The following DNAAF9 variants were observed in gnomAD, a reference collection of about 807,000 sequenced individuals.
DNAAF9 encodes shulin.
A neutral mutation model predicts 167.0 loss-of-function variants in DNAAF9; 90 were observed. The ratio of observed to expected loss-of-function variants is 0.54; its 90% confidence interval spans 0.45 to 0.64. The LOEUF is 0.64. Ranked by LOEUF, DNAAF9 falls within the 30% of genes least tolerant of loss-of-function variation. The pLI is 0.00. For synonymous variants in DNAAF9, 491 were observed against 508.8 expected, an observed-to-expected ratio of 0.96 and a Z score of 0.47; for missense variants, 1,315 against 1,442.2, an observed-to-expected ratio of 0.91 and a Z score of 1.43.
At chr20:3,331,777 G>A (rs995710935) in intron 11 of DNAAF9, among the ~76,000 whole-genome samples, 8 of 152,134 alleles carry the variant, frequency 5.3e-5, no homozygotes, top group Admixed American at 6.5e-5. Flanking sequence ...AAGTTCAAGC[G>A]ATTATGGTGT....
In DNAAF9 at chr20:3,381,405, G is replaced by T. The variant is rs8124486; in HGVS notation, c.257C>A (p.Thr86Lys). ...YNQNTSDFEK[T>K]GFSEEVLDDV... ...ATCTAGTACTTCTTCAGAAAATCCC[G>T]TTTTCTCAAAATCACTGGTATTCTG... Residue 86 changes from threonine to lysine, a missense_variant, in exon 3 of 37, where the codon ACG becomes AAG. Physicochemically the swap from Thr to Lys is moderately conservative, Grantham distance 78. This residue lies in a region of DNAAF9 where 981 missense variants were observed against 1,012.5 expected (regional missense o/e 0.97). Coordinates refer to ENST00000252032, the MANE Select transcript of DNAAF9 (RefSeq NM_001009984.3). 1.1e-5 allele frequency: 18 copies of T among 1,610,936 alleles called. No individual in the cohort carries two copies. Among genetic ancestry groups the T allele is most frequent in the Non-Finnish European group, 1.4e-5 (17 of 1,177,562 alleles).
rs71195834 is a variant in DNAAF9, at chr20:3,319,082, C to CA, written c.1357-683dup. 9.0e-3 allele frequency among the ~76,000 whole-genome samples: 641 copies of CA among 71,042 alleles called. 9 individuals are homozygous for CA. Among genetic ancestry groups the CA allele is most frequent in the African/African-American group, 0.018 (287 of 16,076 alleles). The allele number at this position is 71,042 out of a possible 152,430, so 46.6% of individuals were successfully genotyped here. A position where few individuals can be genotyped will look rare whatever the true frequency, so the allele number is the denominator to read the frequency against. ...TGGGCAACAGAGCAAGACTCTGTCTCAAAAAAAAAAAAAAAAAAAAAAGAA... is the reference window on the plus strand; with the variant it reads ...TGGGCAACAGAGCAAGACTCTGTCTCAAAAAAAAAAAAAAAAAAAAAAAGAA... On this transcript the variant is annotated intron_variant, in intron 16 of 36. Coordinates refer to ENST00000252032, the MANE Select transcript of DNAAF9 (RefSeq NM_001009984.3).
chr20:3,285,537 G>T lies in DNAAF9; in HGVS notation c.2486+2095C>A, dbSNP rs187470076. Among the ~76,000 whole-genome samples, 5 of 152,232 alleles carry T rather than the reference G, an allele frequency of 3.3e-5. No homozygotes were observed. In the East Asian group the frequency reaches 9.6e-4, roughly 29 times the overall value. The stretch of plus-strand genomic sequence containing the variant: ...CTACTAAAAATACAAAAATTAGCCA[G>T]GCGTGGTGGTGAGCACCTGTAATCC... On this transcript the variant is annotated intron_variant, in intron 27 of 36. Transcript: ENST00000252032.
chr20:3,397,005 G>A (rs796564972), intron 1 of DNAAF9, among the ~76,000 whole-genome samples: 8 of 152,320 alleles, frequency 5.3e-5, no homozygotes, highest in African/African-American at 1.9e-4. Flanking sequence ...CCAGCACTGG[G>A]GGAGGTCAAG....
intron 20 of DNAAF9, among the ~76,000 whole-genome samples, chr20:3,311,602 C>A (rs1568597369): frequency 6.6e-6 from 1 of 152,046 alleles, no homozygotes; most frequent in Non-Finnish European, 1.5e-5. Flanking sequence ...ACTGCATGTT[C>A]ATACAAAGGA....
intron 20 of DNAAF9, among the ~76,000 whole-genome samples, chr20:3,308,595 C>T (rs554639288): frequency 2.6e-5 from 4 of 152,008 alleles, no homozygotes; most frequent in East Asian, 3.9e-4. Context: ...CTGCCCGCCT[C>T]GGCCTTCCAA....
Position 3,315,730 on chromosome 20 carries a change from C to T in DNAAF9, c.1590+5G>A, listed in dbSNP as rs1015940151. 6.2e-7 allele frequency: 1 copy of T among 1,609,540 alleles called. No homozygotes were observed. The highest frequency in any genetic ancestry group is 2.2e-5 in the East Asian group (1 of 44,866). On this transcript the variant is annotated splice_donor_5th_base_variant and intron_variant, in intron 19 of 36. Transcript: ENST00000252032. This position sits in a 1 kb window ranked among gnomAD's most constrained non-coding sequence, Gnocchi z 4.1. The stretch of plus-strand genomic sequence containing the variant: ...GTTCACACTGAGAATAAGAAGGCTG[C>T]TTACCCTCACTGCTTGCTGGGTTTT...
intron 2 of DNAAF9, 121 bp from the exon 3 acceptor site, chr20:3,381,619 T>C (rs2083655430): frequency 2.1e-6 from 2 of 942,774 alleles, no homozygotes; most frequent in Non-Finnish European, 3.0e-6. Flanking sequence ...TCAGACCAGT[T>C]TTGTGCCAGA....
chr20:3,375,425 C>T (rs1020766998), intron 4 of DNAAF9, among the ~76,000 whole-genome samples: 7 of 152,144 alleles, frequency 4.6e-5, no homozygotes, highest in African/African-American at 1.7e-4. Context: ...TGTTCTTGAC[C>T]AGTATCAGGT....
chr20:3,306,196 A>C (rs893639196), intron 20 of DNAAF9, among the ~76,000 whole-genome samples: 8 of 152,144 alleles, frequency 5.3e-5, no homozygotes, highest in Non-Finnish European at 1.2e-4. Context: ...ATGACTTCTG[A>C]AATCTCCAGC....
intron 17 of DNAAF9, among the ~76,000 whole-genome samples, chr20:3,317,451 G>T (rs775330272): frequency 7.9e-5 from 12 of 151,274 alleles, no homozygotes; most frequent in Non-Finnish European, 1.3e-4. Flanking sequence ...TTTTATCAAG[G>T]TAGTATAGGT....
chr20:3,322,898 A>C (rs2069641965), intron 14 of DNAAF9, among the ~76,000 whole-genome samples: 1 of 151,810 alleles, frequency 6.6e-6, no homozygotes, highest in South Asian at 2.1e-4. Flanking sequence ...GACTCTAATC[A>C]CAGCCCTGCC....
chr20:3,286,122 C>G (rs1313968198), intron 27 of DNAAF9, among the ~76,000 whole-genome samples: 1 of 152,172 alleles, frequency 6.6e-6, no homozygotes, highest in Non-Finnish European at 1.5e-5. Flanking sequence ...GATGGACATG[C>G]TATAAAGGAG....
chr20:3,389,094 A>G (rs2083789748), intron 1 of DNAAF9, among the ~76,000 whole-genome samples: 1 of 151,844 alleles, frequency 6.6e-6, no homozygotes, highest in Non-Finnish European at 1.5e-5. Context: ...ACAGCTTCCC[A>G]AGTAGCTGGG....
intron 22 of DNAAF9, 81 bp from the exon 23 acceptor site, chr20:3,297,030 T>C: frequency 1.3e-6 from 1 of 799,510 alleles, no homozygotes; most frequent in Admixed American, 2.1e-5. Flanking sequence ...TTGATGGTTG[T>C]TGAAAATCTA....
chr20:3,356,606 T>C (rs775576251), intron 7 of DNAAF9, among the ~76,000 whole-genome samples: 1 of 152,264 alleles, frequency 6.6e-6, no homozygotes, highest in African/African-American at 2.4e-5. Context: ...CCCTTTTTTT[T>C]CTTGTTAGAT....
chr20:3,371,719 C>G (rs371190608), intron 6 of DNAAF9, among the ~76,000 whole-genome samples: 29 of 152,074 alleles, frequency 1.9e-4, no homozygotes, highest in African/African-American at 6.7e-4. Flanking sequence ...TTTTGTTGAC[C>G]CTTTTCCTAA....
chr20:3,340,359 CT>C, intron 10 of DNAAF9, 144 bp downstream of exon 10: 1 of 659,952 alleles, frequency 1.5e-6, no homozygotes, highest in East Asian at 2.7e-5. Context: ...CTAATCACTT[CT>C]TTTCACTCTA....
intron 14 of DNAAF9, among the ~76,000 whole-genome samples, chr20:3,324,207 C>T (rs958711007): frequency 6.6e-6 from 1 of 152,162 alleles, no homozygotes; most frequent in African/African-American, 2.4e-5. Flanking sequence ...TCTCTTATTA[C>T]ACAGGACTAT....
Sources: gnomAD v4.1 joint callset for allele counts (sites outside exome capture counted in the v4.1 genomes callset) on GRCh38, gnomAD v4.1.1 for gene constraint, gnomAD v4.1.1 regional missense constraint, Gnocchi (gnomAD v3.1) non-coding constraint, MANE v1.5 for transcripts, NCBI Gene and HGNC (gene_info 2026-07-23, HGNC 2026-07-21) for gene names.